The following PLEKHA1 variants were observed in gnomAD, a reference collection of about 807,000 sequenced individuals.
PLEKHA1 encodes pleckstrin homology domain-containing family A member 1.
PLEKHA1 carries 34 observed loss-of-function variants against 52.0 expected under a neutral mutation model. That is an observed-to-expected ratio of 0.65 (90% CI 0.50 to 0.87). The LOEUF (loss-of-function observed/expected upper bound fraction) is 0.87, where lower values mean the gene tolerates loss of function less well. Ranked by LOEUF, PLEKHA1 falls within the 40% of genes least tolerant of loss-of-function variation. The probability of loss-of-function intolerance (pLI) is 0.00; values close to 1 mark genes in which losing one functional copy is unlikely to be tolerated. For synonymous variants in PLEKHA1, 163 were observed against 170.7 expected, an observed-to-expected ratio of 0.95 and a Z score of 0.35; for missense variants, 497 against 504.2, an observed-to-expected ratio of 0.99 and a Z score of 0.14.
At chr10:122,396,909 G>A (rs1030655745) in intron 2 of PLEKHA1, among the ~76,000 whole-genome samples, 2 of 151,904 alleles carry the variant, frequency 1.3e-5, no homozygotes, top group Admixed American at 1.3e-4. Flanking sequence ...TTTATTATAA[G>A]ATATATTATA....
chr10:122,385,792 T>G (rs2096685753), intron 1 of PLEKHA1, among the ~76,000 whole-genome samples: 1 of 152,262 alleles, frequency 6.6e-6, no homozygotes, highest in Non-Finnish European at 1.5e-5. Flanking sequence ...TGACATTTAT[T>G]AGTTGCGCAT....
Position 122,429,774 on chromosome 10 carries a change from G to A in PLEKHA1, c.1051G>A (p.Val351Ile), listed in dbSNP as rs2097400207. The change falls in exon 12 of 12, where the codon GTC becomes ATC. Residue 351 changes from valine (V) to isoleucine (I), a missense_variant. Transcript: ENST00000368990. ...KRGFYESLAKVKPGNFKVQTV... is the reference protein window; with the variant it reads ...KRGFYESLAKIKPGNFKVQTV... ...AGGATTTTACGAGTCTCTTGCCAAG[G>A]TCAAGCCAGGGAACTTCAAGGTCCA... 6.2e-7 allele frequency: 1 copy of A among 1,614,064 alleles called. No homozygotes were observed. Among genetic ancestry groups the A allele is most frequent in the Non-Finnish European group, 8.5e-7 (1 of 1,180,046 alleles).
intron 1 of PLEKHA1, among the ~76,000 whole-genome samples, chr10:122,390,510 G>C (rs962206021): frequency 1.3e-5 from 2 of 152,158 alleles, no homozygotes; most frequent in Admixed American, 1.3e-4. Context: ...GGGCATGGTG[G>C]CTCATGCCTG....
intron 1 of PLEKHA1, among the ~76,000 whole-genome samples, chr10:122,384,998 CT>C (rs1486195555): frequency 2.6e-5 from 4 of 151,974 alleles, no homozygotes; most frequent in Non-Finnish European, 4.4e-5. Context: ...GATTTTTAAC[CT>C]TTTGAAGTTA....
chr10:122,440,376 C>G, the PLEKHA1 span: 1 of 152,210 alleles, frequency 6.6e-6, no homozygotes, highest in African/African-American at 2.4e-5. Context: ...ATATCTGGCA[C>G]TCCAGTTCAA....
At chr10:122,389,664 T>C (rs1424399048) in intron 1 of PLEKHA1, among the ~76,000 whole-genome samples, 4 of 152,034 alleles carry the variant, frequency 2.6e-5, no homozygotes, top group African/African-American at 9.7e-5. Flanking sequence ...GAGCCAAGAT[T>C]GCGCCACCAC....
chr10:122,408,178 C>T (rs925269405), intron 5 of PLEKHA1, among the ~76,000 whole-genome samples: 7 of 152,134 alleles, frequency 4.6e-5, no homozygotes, highest in Admixed American at 2.6e-4. Flanking sequence ...GATAATATCT[C>T]GTAACTGTAC....
chr10:122,413,354 A>G (rs1383035861), intron 6 of PLEKHA1, among the ~76,000 whole-genome samples: 6 of 152,036 alleles, frequency 3.9e-5, no homozygotes, highest in Non-Finnish European at 8.8e-5. Context: ...GTCATCAGAA[A>G]TCCTTTTATA....
At chr10:122,398,080 C>G in intron 3 of PLEKHA1, 106 bp downstream of exon 3, 1 of 844,810 alleles carries the variant, frequency 1.2e-6, no homozygotes, top group Non-Finnish European at 1.9e-6. Context: ...CAGTGATGTT[C>G]AGATTCCTAT....
At chr10:122,424,814 CATACTGG>C in intron 9 of PLEKHA1, 75 bp from the exon 10 acceptor site, 1 of 1,026,760 alleles carries the variant, frequency 9.7e-7, no homozygotes. Flanking sequence ...TTTATTGACG[CATACTGG>C]GTACTGGGTA....
downstream of PLEKHA1, chr10:122,436,993 CTTTTTTTTTT>C (rs34565375): frequency 3.7e-4 from 31 of 84,844 alleles, 1 homozygote; most frequent in African/African-American, 1.2e-3. Context: ...TTACATCAGC[CTTTTTTTTTT>C]TTTTTTTTTT....
chr10:122,426,092 G>A (rs2097334958), intron 10 of PLEKHA1, among the ~76,000 whole-genome samples: 1 of 152,098 alleles, frequency 6.6e-6, no homozygotes, highest in Non-Finnish European at 1.5e-5. Flanking sequence ...CTCTGTTCAT[G>A]TGCATAGTTT....
At chr10:122,417,345 T>A (rs948615549) in intron 7 of PLEKHA1, among the ~76,000 whole-genome samples, 2 of 151,370 alleles carry the variant, frequency 1.3e-5, no homozygotes, top group African/African-American at 4.9e-5. Flanking sequence ...AAAAAAAGTT[T>A]CAACATTAAA....
intron 10 of PLEKHA1, 58 bp from the exon 11 acceptor site, chr10:122,426,884 G>C: frequency 7.3e-7 from 1 of 1,367,374 alleles, no homozygotes; most frequent in Middle Eastern, 1.9e-4. Context: ...TACATTGGCT[G>C]TATAGAAGTA....
In PLEKHA1 at chr10:122,426,940, A is replaced by G; in HGVS notation, c.811-2A>G. ...GTTTGAATGAGTTCTTTTTTCCTTTAGGCTGATAGCCCTGAAGAGATGCAC... is the reference window on the plus strand; with the variant it reads ...GTTTGAATGAGTTCTTTTTTCCTTTGGGCTGATAGCCCTGAAGAGATGCAC... On this transcript the variant is annotated splice_acceptor_variant, in intron 10 of 11. Coordinates refer to ENST00000368990, the MANE Select transcript of PLEKHA1 (RefSeq NM_001001974.4). LOFTEE classifies it high-confidence loss of function. The G allele has an allele frequency of 1.2e-6, 2 of 1,611,606 alleles. No individual in the cohort carries two copies.
chr10:122,376,630 G>A (rs372597315), intron 1 of PLEKHA1, among the ~76,000 whole-genome samples: 5 of 151,978 alleles, frequency 3.3e-5, no homozygotes, highest in East Asian at 3.9e-4. Context: ...TTGGGAGGGG[G>A]GAAAGTAGCA....
rs983675955 is a variant in PLEKHA1 at position 122,426,942 on chromosome 10, G to A, written c.811G>A (p.Ala271Thr). 10 of 1,612,160 alleles carry A rather than the reference G, an allele frequency of 6.2e-6. No individual in the cohort carries two copies. The highest frequency in any genetic ancestry group is 8.5e-6 in the Non-Finnish European group (10 of 1,178,830). The change falls in exon 11 of 12, where the codon GCT becomes ACT. Residue 271 changes from alanine (A) to threonine (T), a missense_variant and splice_region_variant. Ala to Thr is a moderately conservative substitution (Grantham distance 58). Transcript: ENST00000368990. The part of the protein sequence containing the change: ...VTTSRTFYVQ[A>T]DSPEEMHSWI... ...TTGAATGAGTTCTTTTTTCCTTTAG[G>A]CTGATAGCCCTGAAGAGATGCACAG...
At position 122,415,944 on chromosome 10, in the gene PLEKHA1, AACC is replaced by A; in HGVS notation, c.558_560del (p.Pro187del). 2 of 1,613,702 alleles carry A rather than the reference AACC, an allele frequency of 1.2e-6. No individual in the cohort carries two copies. The highest frequency in any genetic ancestry group is 1.7e-6 in the Non-Finnish European group (2 of 1,179,756). On this transcript the variant is annotated inframe_deletion, in exon 7 of 12. Transcript: ENST00000368990. ...AGCCATCTTCCTTACTTTACTCCTAAACCACCTCAAGATAGTGCGGTTATCAAA... is the reference window on the plus strand; with the variant it reads ...AGCCATCTTCCTTACTTTACTCCTAAACCTCAAGATAGTGCGGTTATCAAA...
Position 122,393,430 on chromosome 10 carries a change from C to T in PLEKHA1, c.141+89C>T, listed in dbSNP as rs992985507. On this transcript the variant is annotated intron_variant, in intron 2 of 11. Transcript: ENST00000368990. This position sits in a 1 kb window ranked among gnomAD's most constrained non-coding sequence, Gnocchi z 4.5. ...ACTATACAGGCTTTAGATTTGTCTT[C>T]TTAAGCAGTATATTTTTAGATTTAT... 39 of 1,272,252 alleles carry T rather than the reference C, an allele frequency of 3.1e-5. No homozygotes were observed. In the African/African-American group the frequency reaches 4.6e-4, roughly 15 times the overall value. 78.8% of individuals were successfully genotyped at this position (1,272,252 alleles called of 1,614,324 possible). A position where few individuals can be genotyped will look rare whatever the true frequency, so the allele number is the denominator to read the frequency against.
Sources: gnomAD v4.1 joint callset for allele counts (sites outside exome capture counted in the v4.1 genomes callset) on GRCh38, gnomAD v4.1.1 for gene constraint, Gnocchi (gnomAD v3.1) non-coding constraint, MANE v1.5 for transcripts, NCBI Gene and HGNC (gene_info 2026-07-23, HGNC 2026-07-21) for gene names.